Variants in FAF1 observed in about 807,000 individuals in gnomAD.
FAF1 encodes FAS-associated factor 1.
A neutral mutation model predicts 92.5 loss-of-function variants in FAF1; 25 were observed. That is an observed-to-expected ratio of 0.27 (90% CI 0.20 to 0.38). The LOEUF (loss-of-function observed/expected upper bound fraction) is 0.38. FAF1 is among the 10% of genes least tolerant of loss of function. The pLI is 1.00. For missense variants in FAF1, 636 were observed against 793.3 expected, an observed-to-expected ratio of 0.80 and a Z score of 2.38; for synonymous variants, 234 against 273.2, an observed-to-expected ratio of 0.86 and a Z score of 1.42.
chr1:50,787,325 A>G (rs1429046619), intron 4 of FAF1, among the ~76,000 whole-genome samples: 1 of 152,216 alleles, frequency 6.6e-6, no homozygotes, highest in Non-Finnish European at 1.5e-5. Flanking sequence ...TCTATGTGGT[A>G]GTATTAAGAC....
At chr1:50,756,023 A>G (rs2124518268) in intron 4 of FAF1, among the ~76,000 whole-genome samples, 1 of 152,252 alleles carries the variant, frequency 6.6e-6, no homozygotes, top group South Asian at 2.1e-4. Context: ...CCCTGGAGAC[A>G]TTTTCCCCAT....
intron 4 of FAF1, among the ~76,000 whole-genome samples, chr1:50,750,177 C>A (rs764044069): frequency 7.2e-5 from 11 of 152,154 alleles, no homozygotes; most frequent in Non-Finnish European, 1.6e-4. Context: ...GATGGCACTG[C>A]CACTGCAGTA....
intron 1 of FAF1, among the ~76,000 whole-genome samples, chr1:50,898,420 T>C (rs971849014): frequency 6.6e-6 from 1 of 152,218 alleles, no homozygotes; most frequent in Non-Finnish European, 1.5e-5. Context: ...ATTAAATATT[T>C]ACGTATATTT....
intron 7 of FAF1, 142 bp downstream of exon 7, chr1:50,705,644 A>C (rs1460000923): frequency 1.8e-6 from 1 of 546,844 alleles, no homozygotes; most frequent in African/African-American, 1.9e-5. Flanking sequence ...GTAATCATTG[A>C]TGCTCCAGTT....
intron 1 of FAF1, among the ~76,000 whole-genome samples, chr1:50,858,327 C>T (rs1644406339): frequency 6.6e-6 from 1 of 151,764 alleles, no homozygotes; most frequent in Non-Finnish European, 1.5e-5. Flanking sequence ...ACATGTAAAA[C>T]AAATGAATTT....
At chr1:50,524,466 A>G (rs192320740) in intron 15 of FAF1, among the ~76,000 whole-genome samples, 13 of 152,326 alleles carry the variant, frequency 8.5e-5, no homozygotes, top group African/African-American at 3.1e-4. Flanking sequence ...GCCCATGCCT[A>G]TGTCCTGAAT....
intron 6 of FAF1, among the ~76,000 whole-genome samples, chr1:50,713,730 T>G (rs1405317170): frequency 2.0e-5 from 3 of 151,664 alleles, no homozygotes; most frequent in Middle Eastern, 3.4e-3. Flanking sequence ...CCTGAGTAGT[T>G]GAGATTACAA....
At chr1:50,886,529 T>TC (rs1644666323) in intron 1 of FAF1, among the ~76,000 whole-genome samples, 1 of 143,514 alleles carries the variant, frequency 7.0e-6, no homozygotes, top group Non-Finnish European at 1.5e-5. Flanking sequence ...CCCTCCCCAC[T>TC]CCCCCCACCC....
At chr1:50,813,568 C>A (rs1360258978) in intron 2 of FAF1, among the ~76,000 whole-genome samples, 1 of 152,092 alleles carries the variant, frequency 6.6e-6, no homozygotes, top group Non-Finnish European at 1.5e-5. Flanking sequence ...TGAAGCAATC[C>A]TCCCACCTCA....
chr1:50,871,188 CTTGCAGAGG>C (rs1644525138), intron 1 of FAF1, among the ~76,000 whole-genome samples: 1 of 152,200 alleles, frequency 6.6e-6, no homozygotes, highest in Non-Finnish European at 1.5e-5. Context: ...AAGTTTGAAG[CTTGCAGAGG>C]TTGGCTCAAG....
At chr1:50,700,877 T>G (rs1382488767) in intron 7 of FAF1, among the ~76,000 whole-genome samples, 1 of 152,132 alleles carries the variant, frequency 6.6e-6, no homozygotes, top group Non-Finnish European at 1.5e-5. Flanking sequence ...GACTTGTCAG[T>G]TCCAAAGAGC....
At chr1:50,588,738 TGGA>T (rs980410816) in intron 9 of FAF1, among the ~76,000 whole-genome samples, 2 of 152,170 alleles carry the variant, frequency 1.3e-5, no homozygotes, top group Admixed American at 1.3e-4. Context: ...CAAGGGCTAC[TGGA>T]GTCCTCTGCT....
At chr1:50,704,351 T>C (rs551157349) in intron 7 of FAF1, among the ~76,000 whole-genome samples, 2 of 152,290 alleles carry the variant, frequency 1.3e-5, no homozygotes, top group South Asian at 4.1e-4. Flanking sequence ...GCAAACTATA[T>C]TTATTCATCA....
intron 9 of FAF1, among the ~76,000 whole-genome samples, chr1:50,593,102 G>A (rs1651606129): frequency 1.3e-5 from 2 of 151,866 alleles, no homozygotes; most frequent in South Asian, 4.2e-4. Flanking sequence ...AAATGAAACT[G>A]GTTATTATAG....
chr1:50,662,203 A>G (rs963763977), intron 7 of FAF1, among the ~76,000 whole-genome samples: 4 of 152,234 alleles, frequency 2.6e-5, no homozygotes, highest in African/African-American at 9.6e-5. Context: ...CTCAAATACT[A>G]TCTTTCCAGA....
intron 15 of FAF1, among the ~76,000 whole-genome samples, chr1:50,521,509 T>C (rs77017890): frequency 0.015 from 2,252 of 152,342 alleles, 58 homozygotes; most frequent in African/African-American, 0.052. Context: ...GAGAAGGCTT[T>C]AGAAGGTTTC....
intron 8 of FAF1, among the ~76,000 whole-genome samples, chr1:50,618,519 T>C (rs1376259721): frequency 6.9e-6 from 1 of 145,978 alleles, no homozygotes; most frequent in Non-Finnish European, 1.5e-5. Context: ...TGCCTCGGCC[T>C]CCCAAAGTGC....
chr1:50,660,754 AG>A (rs1205425565), intron 7 of FAF1, among the ~76,000 whole-genome samples: 2 of 152,172 alleles, frequency 1.3e-5, no homozygotes, highest in South Asian at 4.2e-4. Context: ...AGCCTCCCAA[AG>A]TGCTGGAATT....
intron 4 of FAF1, among the ~76,000 whole-genome samples, chr1:50,756,845 G>C (rs967093246): frequency 6.6e-6 from 1 of 152,092 alleles, no homozygotes; most frequent in Admixed American, 6.6e-5. Context: ...TCACTATCAC[G>C]AGAACAGCAT....
Sources: gnomAD v4.1 joint callset for allele counts (sites outside exome capture counted in the v4.1 genomes callset) on GRCh38, gnomAD v4.1.1 for gene constraint, MANE v1.5 for transcripts, NCBI Gene and HGNC (gene_info 2026-07-23, HGNC 2026-07-21) for gene names.